Variants in APBA2 observed in about 807,000 individuals in gnomAD.
APBA2 encodes amyloid-beta A4 precursor protein-binding family A member 2.
In APBA2, 30 loss-of-function variants were observed where a neutral mutation model predicts 75.0. The ratio of observed to expected loss-of-function variants is 0.40; its 90% CI spans 0.30 to 0.54. The LOEUF (loss-of-function observed/expected upper bound fraction) is 0.54. Ranked by LOEUF, APBA2 falls within the 20% of genes least tolerant of loss-of-function variation. The pLI, the probability that APBA2 is intolerant of heterozygous loss-of-function variation, is 0.49. For synonymous variants in APBA2, 444 were observed against 409.6 expected (o/e 1.08, Z -1.01); for missense variants, 801 against 1,016.1 (o/e 0.79, Z 2.88).
At chr15:28,891,726 C>T (rs2032142587) in intron 1 of APBA2, among the ~76,000 whole-genome samples, 3 of 152,180 alleles carry the variant, frequency 2.0e-5, no homozygotes, top group African/African-American at 7.2e-5. Context: ...TCTGAGGAAA[C>T]TCTCATTAGT....
chr15:28,903,446 G>A (rs969791626), intron 1 of APBA2, among the ~76,000 whole-genome samples: 1 of 152,202 alleles, frequency 6.6e-6, no homozygotes, highest in African/African-American at 2.4e-5. Flanking sequence ...CAGAAAGGGT[G>A]GCCTGCTGGG....
At chr15:29,093,743 A>G (rs1427109141) in intron 7 of APBA2, among the ~76,000 whole-genome samples, 2 of 152,162 alleles carry the variant, frequency 1.3e-5, no homozygotes, top group African/African-American at 2.4e-5. Context: ...GGATGCAGCC[A>G]TCTGAGGTCT....
intron 1 of APBA2, among the ~76,000 whole-genome samples, chr15:28,895,052 G>C (rs1006372968): frequency 9.8e-5 from 15 of 152,342 alleles, no homozygotes; most frequent in African/African-American, 3.6e-4. Flanking sequence ...ACCCTTTAGA[G>C]ATTTACAGGA....
intron 5 of APBA2, among the ~76,000 whole-genome samples, chr15:29,075,238 T>A (rs2042798438): frequency 6.6e-6 from 1 of 152,078 alleles, no homozygotes; most frequent in African/African-American, 2.4e-5. Context: ...TGCCATGGAG[T>A]GCTCTTGTGT....
At chr15:28,943,651 G>C (rs903098707) in intron 2 of APBA2, among the ~76,000 whole-genome samples, 1 of 152,170 alleles carries the variant, frequency 6.6e-6, no homozygotes, top group Admixed American at 6.5e-5. Context: ...TCAGCACTGA[G>C]TACATGATGC....
intron 3 of APBA2, among the ~76,000 whole-genome samples, chr15:29,040,614 A>G (rs918987517): frequency 1.3e-5 from 2 of 152,192 alleles, no homozygotes; most frequent in African/African-American, 2.4e-5. Flanking sequence ...CGTTAACTCC[A>G]TCCCCTAACG....
intron 1 of APBA2, among the ~76,000 whole-genome samples, chr15:28,906,797 C>T (rs1438709600): frequency 2.0e-5 from 3 of 152,190 alleles, no homozygotes. Context: ...ATTTCTCCTT[C>T]TAATTCTCTT....
intron 1 of APBA2, among the ~76,000 whole-genome samples, chr15:28,912,068 T>C (rs1192468049): frequency 6.6e-6 from 1 of 152,246 alleles, no homozygotes; most frequent in Non-Finnish European, 1.5e-5. Flanking sequence ...AATTTTTAGT[T>C]TCATATCAGT....
intron 1 of APBA2, among the ~76,000 whole-genome samples, chr15:28,892,150 C>T (rs1326768843): frequency 4.6e-5 from 7 of 152,314 alleles, no homozygotes; most frequent in East Asian, 3.9e-4. Flanking sequence ...TCTCAGCTCA[C>T]GGCAAGCTCT....
chr15:29,043,596 A>G (rs1218392692), intron 3 of APBA2, among the ~76,000 whole-genome samples: 1 of 152,208 alleles, frequency 6.6e-6, no homozygotes, highest in Non-Finnish European at 1.5e-5. Context: ...TTCTGTGTTT[A>G]TTTGTTGTGA....
In APBA2 at chr15:29,110,331, T is replaced by C. The variant is rs572050043; in HGVS notation, c.2037+1942T>C. Among the ~76,000 whole-genome samples, 2 of 152,292 alleles carry C rather than the reference T, an allele frequency of 1.3e-5. 1 individual carries two copies. The highest frequency in any genetic ancestry group is 4.8e-5 in the African/African-American group (2 of 41,572). ...TGGTGTCCCCTGGGCTGCCCCTGCC[T>C]GGCTAAACCTGGTGACCACACTGCC... is the stretch of plus-strand genomic sequence containing the variant. On this transcript the variant is annotated intron_variant, in intron 13 of 14. Transcript: ENST00000683413.
intron 12 of APBA2, among the ~76,000 whole-genome samples, chr15:29,107,300 G>T (rs555569465): frequency 6.6e-6 from 1 of 152,300 alleles, no homozygotes; most frequent in East Asian, 1.9e-4. Flanking sequence ...TGAGCTTGCA[G>T]CTTTGGGAGG....
chr15:29,086,570 A>G (rs866986616), intron 6 of APBA2, among the ~76,000 whole-genome samples: 13 of 152,330 alleles, frequency 8.5e-5, no homozygotes, highest in African/African-American at 2.4e-4. Flanking sequence ...ATAATTTTGC[A>G]TTGGTTTTAT....
At chr15:29,057,049 A>G (rs1325473270) in intron 4 of APBA2, among the ~76,000 whole-genome samples, 2 of 152,170 alleles carry the variant, frequency 1.3e-5, no homozygotes, top group East Asian at 1.9e-4. Context: ...GGCCTCAAGC[A>G]GGTGCACAGG....
intron 3 of APBA2, among the ~76,000 whole-genome samples, chr15:29,018,837 G>A (rs2039807243): frequency 6.6e-6 from 1 of 152,176 alleles, no homozygotes; most frequent in African/African-American, 2.4e-5. Context: ...AGAGGTGGCC[G>A]GAACCTGGGC....
intron 14 of APBA2, 41 bp downstream of exon 14, chr15:29,114,057 C>A: frequency 6.2e-7 from 1 of 1,613,150 alleles, no homozygotes; most frequent in Non-Finnish European, 8.5e-7. Context: ...TGCCGGTTCC[C>A]ACGTGCTCCC....
intron 2 of APBA2, among the ~76,000 whole-genome samples, chr15:28,960,803 A>C (rs1380367161): frequency 6.9e-6 from 1 of 145,390 alleles, no homozygotes; most frequent in Non-Finnish European, 1.5e-5. Flanking sequence ...ACTGTCACCC[A>C]GGCTGGAGTG....
intron 2 of APBA2, among the ~76,000 whole-genome samples, chr15:28,995,478 A>G (rs1165669244): frequency 6.6e-6 from 1 of 152,130 alleles, no homozygotes; most frequent in Non-Finnish European, 1.5e-5. Flanking sequence ...AAATGCAGAG[A>G]GTCTCTCCTT....
chr15:28,972,292 T>G (rs118027548), intron 2 of APBA2, among the ~76,000 whole-genome samples: 3,460 of 152,208 alleles, frequency 0.023, 57 homozygotes, highest in Non-Finnish European at 0.035. Flanking sequence ...AACTAAAAAT[T>G]TAAAACTGCA....
Sources: allele counts gnomAD v4.1 joint callset (sites outside exome capture counted in the v4.1 genomes callset), GRCh38; gene constraint gnomAD v4.1.1; transcripts MANE v1.5; gene names NCBI Gene and HGNC (gene_info 2026-07-23, HGNC 2026-07-21).